Variants in UBR3 observed in about 807,000 individuals in gnomAD.
The protein encoded by UBR3 is E3 ubiquitin-protein ligase UBR3.
Under a neutral mutation model 243.2 loss-of-function variants are expected in UBR3, and 85 were observed. The observed-to-expected ratio is 0.35, with a 90% CI of 0.29 to 0.42. The LOEUF is 0.42. Ranked by LOEUF, UBR3 falls within the 10% of genes least tolerant of loss-of-function variation. The pLI is 1.00. For synonymous variants in UBR3, 748 were observed against 799.8 expected (o/e 0.94, Z 1.09); for missense variants, 1,686 against 2,300.8 (o/e 0.73, Z 5.47).
At position 169,890,553 on chromosome 2, in the gene UBR3, A is replaced by ACATATATATATG. The variant is rs2084308052; in HGVS notation, c.1039-612_1039-611insCATATATATATG. 4.8e-4 allele frequency among the ~76,000 whole-genome samples: 46 copies of ACATATATATATG among 96,362 alleles called. 1 individual carries two copies. The highest frequency in any genetic ancestry group is 5.1e-4 in the Non-Finnish European group (27 of 52,516). The allele number at this position is 96,362 out of a possible 152,430, so 63.2% of individuals were successfully genotyped here. Reference sequence around the variant, plus strand: ...GAGAGAGAGAGAGATATATATATATATATATATATATGTGTATATATATAT... The same window carrying ACATATATATATG: ...GAGAGAGAGAGAGATATATATATATACATATATATATGTATATATATATGTGTATATATATAT... On this transcript the variant is annotated intron_variant, in intron 5 of 38. Transcript: ENST00000272793.
intron 1 of UBR3, among the ~76,000 whole-genome samples, chr2:169,843,264 G>A (rs549400574): frequency 2.6e-4 from 40 of 152,334 alleles, no homozygotes; most frequent in African/African-American, 9.4e-4. Context: ...TTTGAAGGCT[G>A]GGAAGTCCAA....
chr2:169,843,533 A>G (rs1014751343), intron 1 of UBR3, among the ~76,000 whole-genome samples: 1 of 152,198 alleles, frequency 6.6e-6, no homozygotes, highest in Non-Finnish European at 1.5e-5. Context: ...TTCAGTTACA[A>G]ACCTGAGTTT....
intron 36 of UBR3, chr2:170,078,216 T>G (rs2091850278): frequency 2.0e-6 from 1 of 496,486 alleles, no homozygotes; most frequent in Non-Finnish European, 3.8e-6. Flanking sequence ...CAACTTTCCT[T>G]CTTTCCCTTT....
chr2:169,843,315 G>A (rs772749642), intron 1 of UBR3, among the ~76,000 whole-genome samples: 1 of 152,190 alleles, frequency 6.6e-6, no homozygotes, highest in African/African-American at 2.4e-5. Context: ...AGGGCCTTCT[G>A]CTGCATCTTC....
rs1410207045 is a variant in UBR3 at position 169,836,060 on chromosome 2, TATA to T, written c.545+8009_545+8011del. On this transcript the variant is annotated intron_variant, in intron 1 of 38. Coordinates refer to ENST00000272793, the MANE Select transcript of UBR3 (RefSeq NM_172070.4). The stretch of plus-strand genomic sequence containing the variant: ...CTCTCTCTCTATATATATATATATA[TATA>T]TATATTTTTTTTTTTTTTTTTTTTT... Among the ~76,000 whole-genome samples, 365 of 56,054 alleles carry T rather than the reference TATA, an allele frequency of 6.5e-3. 51 individuals carry two copies. The highest frequency in any genetic ancestry group is 9.9e-3 in the Non-Finnish European group (249 of 25,174). 36.8% of individuals were successfully genotyped at this position (56,054 alleles called of 152,430 possible).
At chr2:169,841,181 A>G (rs1574018237) in intron 1 of UBR3, among the ~76,000 whole-genome samples, 1 of 151,680 alleles carries the variant, frequency 6.6e-6, no homozygotes, top group Non-Finnish European at 1.5e-5. Flanking sequence ...TTTACATTCT[A>G]TGTCTTTTTT....
intron 1 of UBR3, among the ~76,000 whole-genome samples, chr2:169,830,118 T>C (rs1042064567): frequency 1.3e-5 from 2 of 152,190 alleles, no homozygotes; most frequent in Non-Finnish European, 2.9e-5. Context: ...CTTTAATTTC[T>C]TTTTTTATTT....
chr2:169,853,684 G>A (rs904604648), intron 1 of UBR3, among the ~76,000 whole-genome samples: 1 of 151,878 alleles, frequency 6.6e-6, no homozygotes, highest in African/African-American at 2.4e-5. Flanking sequence ...TCCTGACCTC[G>A]GGTGATCCAC....
intron 5 of UBR3, among the ~76,000 whole-genome samples, chr2:169,890,563 A>ATATGTG (rs1255881148): frequency 9.5e-5 from 8 of 83,880 alleles, no homozygotes; most frequent in East Asian, 3.0e-4. Flanking sequence ...ATATATATAT[A>ATATGTG]TGTGTATATA....
intron 1 of UBR3, among the ~76,000 whole-genome samples, chr2:169,869,397 A>G (rs923359933): frequency 1.3e-5 from 2 of 151,064 alleles, no homozygotes; most frequent in African/African-American, 4.9e-5. Flanking sequence ...AATGTTTTGT[A>G]TTTTTTAGTA....
chr2:169,987,611 A>G (rs2089081451), intron 25 of UBR3, among the ~76,000 whole-genome samples: 2 of 151,646 alleles, frequency 1.3e-5, no homozygotes, highest in African/African-American at 4.8e-5. Context: ...TAAAAGTTTG[A>G]AGGATTTGTC....
chr2:169,896,522 A>T lies in UBR3; in HGVS notation c.1252A>T (p.Thr418Ser). The change falls in exon 8 of 39, where the codon ACT (threonine) becomes TCT (serine). Residue 418 changes from threonine (T) to serine (S), a missense_variant. Physicochemically the swap from Thr to Ser is moderately conservative, Grantham distance 58 (BLOSUM62 1). Transcript: ENST00000272793. The part of the protein sequence containing the change: ...DQEYKVAFTK[T>S]FVQHYAFIMK... ...ATGTTTACAGGTTGCTTTTACAAAA[A>T]CTTTTGTTCAGCATTATGCTTTCAT... is the stretch of plus-strand genomic sequence containing the variant. The T allele has an allele frequency of 1.3e-6, 2 of 1,522,524 alleles. No individual in the cohort carries two copies. The highest frequency in any genetic ancestry group is 1.8e-6 in the Non-Finnish European group (2 of 1,130,500). The allele number at this position is 1,522,524 out of a possible 1,614,324, so 94.3% of individuals were successfully genotyped here.
intron 24 of UBR3, among the ~76,000 whole-genome samples, chr2:169,959,779 C>T (rs537240482): frequency 2.0e-5 from 3 of 152,212 alleles, no homozygotes; most frequent in South Asian, 2.1e-4. Context: ...AGGCTGAAAA[C>T]CCCCAAGAGG....
intron 6 of UBR3, among the ~76,000 whole-genome samples, chr2:169,894,201 T>C (rs1279059166): frequency 6.6e-6 from 1 of 151,742 alleles, no homozygotes; most frequent in African/African-American, 2.4e-5. Context: ...TGCACACCTA[T>C]AGTCCTAGCT....
chr2:169,888,995 T>C (rs992219540), intron 5 of UBR3, among the ~76,000 whole-genome samples: 2 of 152,214 alleles, frequency 1.3e-5, no homozygotes, highest in African/African-American at 4.8e-5. Context: ...TGATTATTTC[T>C]TTGGGTTAAA....
At chr2:170,002,715 C>G (rs2089758156) in intron 27 of UBR3, among the ~76,000 whole-genome samples, 1 of 152,256 alleles carries the variant, frequency 6.6e-6, no homozygotes, top group Admixed American at 6.5e-5. Flanking sequence ...TTCAGTTTTT[C>G]TGCCTCTTCT....
At position 170,055,467 on chromosome 2, in the gene UBR3, T is replaced by C. The variant is rs372097544; in HGVS notation, c.4668T>C (p.Phe1556=). ...ATTTTTTTTCTCTTGCAGACCACTT[T>C]ACCTGCATTGTGAAGGTACTTTTTA... is the stretch of plus-strand genomic sequence containing the variant. ...MMPQPLRKDH[F]TCIVKVLFTL... Residue 1556 remains phenylalanine, a synonymous_variant, in exon 33 of 39, where the codon TTT becomes TTC. Coordinates refer to ENST00000272793, the MANE Select transcript of UBR3 (RefSeq NM_172070.4). 6.2e-7 allele frequency: 1 copy of C among 1,613,170 alleles called. No individual in the cohort carries two copies. Among genetic ancestry groups the C allele is most frequent in the Non-Finnish European group, 8.5e-7 (1 of 1,179,534 alleles).
chr2:170,056,761 A>G (rs1489285574), intron 33 of UBR3, among the ~76,000 whole-genome samples: 1 of 152,260 alleles, frequency 6.6e-6, no homozygotes, highest in Non-Finnish European at 1.5e-5. Flanking sequence ...TTACTCTCAT[A>G]TCACAATTAT....
At chr2:170,009,668 A>C (rs889052229) in intron 29 of UBR3, among the ~76,000 whole-genome samples, 13 of 152,180 alleles carry the variant, frequency 8.5e-5, no homozygotes, top group African/African-American at 3.1e-4. Flanking sequence ...GACTCTGTAC[A>C]TCCTTGAATA....
Sources: gnomAD v4.1 joint callset for allele counts (sites outside exome capture counted in the v4.1 genomes callset) on GRCh38, gnomAD v4.1.1 for gene constraint, MANE v1.5 for transcripts, NCBI Gene and HGNC (gene_info 2026-07-23, HGNC 2026-07-21) for gene names.